GOLM1: variants seen among roughly 807,000 people sequenced by gnomAD.
The protein encoded by GOLM1 is epididymis luminal protein 46.
A neutral mutation model predicts 50.5 loss-of-function variants in GOLM1; 31 were observed. That is an observed-to-expected ratio of 0.61 (90% confidence interval 0.46 to 0.83). The LOEUF is 0.83. Ranked by LOEUF, GOLM1 falls within the 40% of genes least tolerant of loss-of-function variation. The probability of loss-of-function intolerance (pLI) is 0.00; values close to 1 mark genes in which losing one functional copy is unlikely to be tolerated. For synonymous variants in GOLM1, 178 were observed against 192.8 expected (o/e 0.92, Z 0.64); for missense variants, 491 against 501.3 (o/e 0.98, Z 0.20).
At chr9:86,098,434 A>C (rs1835418046) in intron 1 of GOLM1, among the ~76,000 whole-genome samples, 1 of 152,196 alleles carries the variant, frequency 6.6e-6, no homozygotes, top group African/African-American at 2.4e-5. Context: ...GCTGCTAAAT[A>C]CTTCATCAGG....
At chr9:86,073,536 G>A (rs1454458234) in intron 3 of GOLM1, among the ~76,000 whole-genome samples, 5 of 152,140 alleles carry the variant, frequency 3.3e-5, no homozygotes, top group African/African-American at 1.2e-4. Flanking sequence ...TCAGGGGGGT[G>A]CACAACTCCC....
intron 3 of GOLM1, among the ~76,000 whole-genome samples, chr9:86,059,004 A>G (rs1482984859): frequency 1.3e-5 from 2 of 152,200 alleles, no homozygotes; most frequent in Non-Finnish European, 2.9e-5. Flanking sequence ...TCTCAAAAAA[A>G]TAAATAAATA....
Position 86,049,566 on chromosome 9 carries a change from C to G in GOLM1, c.364+2971G>C, listed in dbSNP as rs1345785942. 2.6e-5 allele frequency among the ~76,000 whole-genome samples: 4 copies of G among 152,150 alleles called. No homozygotes were observed. In the South Asian group the frequency reaches 6.2e-4, roughly 24 times the overall value. The stretch of plus-strand genomic sequence containing the variant: ...TTTCATTGAGCAGTGGTTTGTAGTT[C>G]TCCTTGAAGAGGTCCTTCACGTCCC... On this transcript the variant is annotated intron_variant, in intron 4 of 9. Coordinates refer to ENST00000388712, the MANE Select transcript of GOLM1 (RefSeq NM_016548.4).
chr9:86,098,946 G>A (rs1159828798), intron 1 of GOLM1, among the ~76,000 whole-genome samples: 1 of 152,204 alleles, frequency 6.6e-6, no homozygotes, highest in Non-Finnish European at 1.5e-5. Context: ...CTGGAGGGGA[G>A]GAAGAGGCGG....
chr9:86,036,648 C>T, intron 6 of GOLM1, 141 bp from the exon 7 acceptor site: 1 of 796,190 alleles, frequency 1.3e-6, no homozygotes, highest in Non-Finnish European at 2.0e-6. Flanking sequence ...CCACAGTCTA[C>T]TCTGGTCACG....
chr9:86,051,051 C>G (rs1339136393), intron 4 of GOLM1, among the ~76,000 whole-genome samples: 1 of 152,162 alleles, frequency 6.6e-6, no homozygotes, highest in Non-Finnish European at 1.5e-5. Flanking sequence ...CCCAGAGATT[C>G]TGGTATGTTG....
chr9:86,080,729 T>C (rs1834757157), intron 1 of GOLM1, among the ~76,000 whole-genome samples: 1 of 152,082 alleles, frequency 6.6e-6, no homozygotes, highest in Admixed American at 6.6e-5. Flanking sequence ...CGGGTGGAAA[T>C]TCTGACCTGT....
At chr9:86,081,561 T>C (rs1834785264) in intron 1 of GOLM1, among the ~76,000 whole-genome samples, 1 of 152,092 alleles carries the variant, frequency 6.6e-6, no homozygotes, top group African/African-American at 2.4e-5. Flanking sequence ...TCCAAATGGC[T>C]TTTGCTAAGG....
chr9:86,093,675 C>T (rs1835257583), intron 1 of GOLM1, among the ~76,000 whole-genome samples: 1 of 151,858 alleles, frequency 6.6e-6, no homozygotes, highest in Non-Finnish European at 1.5e-5. Flanking sequence ...TTATTATTTG[C>T]TTTTAAGACA....
At chr9:86,069,986 C>T (rs185641854) in intron 3 of GOLM1, among the ~76,000 whole-genome samples, 4 of 151,978 alleles carry the variant, frequency 2.6e-5, no homozygotes, top group Non-Finnish European at 4.4e-5. Context: ...CGGGTTCAAG[C>T]GATTCTCCTG....
chr9:86,092,624 GAGC>G (rs563110390), intron 1 of GOLM1, among the ~76,000 whole-genome samples: 61 of 152,340 alleles, frequency 4.0e-4, no homozygotes, highest in African/African-American at 1.4e-3. Context: ...CTCCCAATGG[GAGC>G]AGGGCTGCCC....
At chr9:86,074,209 A>G (rs1324788144) in intron 3 of GOLM1, among the ~76,000 whole-genome samples, 1 of 150,242 alleles carries the variant, frequency 6.7e-6, no homozygotes, top group African/African-American at 2.5e-5. Flanking sequence ...TCCAGTTCTA[A>G]CCACAAATGC....
chr9:86,028,413 A>G (rs1832854689), intron 9 of GOLM1, among the ~76,000 whole-genome samples: 1 of 152,122 alleles, frequency 6.6e-6, no homozygotes, highest in Non-Finnish European at 1.5e-5. Context: ...GAGCAGCCAG[A>G]CTCCAGAGGA....
intron 3 of GOLM1, among the ~76,000 whole-genome samples, chr9:86,055,173 A>G (rs1833949851): frequency 6.6e-6 from 1 of 152,194 alleles, no homozygotes; most frequent in African/African-American, 2.4e-5. Context: ...GGGAGCTCTG[A>G]GGATATGGAA....
At chr9:86,032,032 C>G (rs1381952954) in intron 9 of GOLM1, among the ~76,000 whole-genome samples, 1 of 151,774 alleles carries the variant, frequency 6.6e-6, no homozygotes, top group Non-Finnish European at 1.5e-5. Flanking sequence ...GAGCCAGGAC[C>G]TGAGTCTCAT....
chr9:86,028,196 T>C (rs1025891137), intron 9 of GOLM1, among the ~76,000 whole-genome samples: 1 of 152,196 alleles, frequency 6.6e-6, no homozygotes, highest in Non-Finnish European at 1.5e-5. Context: ...ATGTTGCATT[T>C]TCCAAGACCA....
chr9:86,099,057 C>T (rs1000384796), intron 1 of GOLM1, among the ~76,000 whole-genome samples: 1 of 152,194 alleles, frequency 6.6e-6, no homozygotes, highest in Non-Finnish European at 1.5e-5. Context: ...ACGCTTTTGA[C>T]TTTGGATGCC....
chr9:86,026,455 T>C lies in GOLM1; in HGVS notation c.*1362A>G. Reference sequence around the variant, plus strand: ...GTGACTGTGTGCCTGTAGTCCCAGCTACTCGGGAGTCTGTGTGAGGCCAGG... The same window carrying C: ...GTGACTGTGTGCCTGTAGTCCCAGCCACTCGGGAGTCTGTGTGAGGCCAGG... On this transcript the variant is annotated 3_prime_UTR_variant, in exon 10 of 10. Coordinates refer to ENST00000388712, the MANE Select transcript of GOLM1 (RefSeq NM_016548.4). 1 of 980,250 alleles carries C rather than the reference T, an allele frequency of 1.0e-6. No homozygotes were observed. The highest frequency in any genetic ancestry group is 4.7e-5 in the South Asian group (1 of 21,200). The allele number at this position is 980,250 out of a possible 1,614,324, so 60.7% of individuals were successfully genotyped here.
At chr9:86,055,549 GATGA>G (rs1833960659) in intron 3 of GOLM1, among the ~76,000 whole-genome samples, 1 of 152,216 alleles carries the variant, frequency 6.6e-6, no homozygotes, top group African/African-American at 2.4e-5. Flanking sequence ...GGGGGTCACA[GATGA>G]ATGAATGGAT....
Sources: gnomAD v4.1 joint callset for allele counts (sites outside exome capture counted in the v4.1 genomes callset) on GRCh38, gnomAD v4.1.1 for gene constraint, MANE v1.5 for transcripts, NCBI Gene and HGNC (gene_info 2026-07-23, HGNC 2026-07-21) for gene names.